JMJD1C: variants seen among roughly 807,000 people sequenced by gnomAD.
JMJD1C encodes the protein jumonji domain-containing protein 1C.
In JMJD1C, 31 loss-of-function variants were observed where a neutral mutation model predicts 245.3. The observed-to-expected ratio is 0.13, with a 90% CI of 0.09 to 0.17. The LOEUF (loss-of-function observed/expected upper bound fraction) is 0.17, where lower values mean the gene tolerates loss of function less well. Ranked by LOEUF, JMJD1C falls within the 10% of genes least tolerant of loss-of-function variation. JMJD1C has a pLI of 1.00. For synonymous variants in JMJD1C, 1,057 were observed against 1,017.4 expected (o/e 1.04, Z -0.74); for missense variants, 2,691 against 3,000.2 (o/e 0.90, Z 2.41).
intron 1 of JMJD1C, among the ~76,000 whole-genome samples, chr10:63,408,368 A>G (rs1347692833): frequency 1.3e-5 from 2 of 151,850 alleles, no homozygotes; most frequent in Admixed American, 6.6e-5. Context: ...GCGCCATTGC[A>G]CTCCAGCCTG....
chr10:63,192,834 A>C, intron 16 of JMJD1C, 104 bp downstream of exon 16: 2 of 864,630 alleles, frequency 2.3e-6, no homozygotes, highest in Non-Finnish European at 1.8e-6. Flanking sequence ...ACCAAAGTAA[A>C]TTGTTTACCT....
intron 2 of JMJD1C, among the ~76,000 whole-genome samples, chr10:63,270,959 A>T (rs1277901926): frequency 1.3e-5 from 2 of 152,154 alleles, no homozygotes; most frequent in African/African-American, 4.8e-5. Context: ...GAAAATTTGT[A>T]AGTTTCTGAC....
At chr10:63,357,152 G>A (rs2134331523) in intron 2 of JMJD1C, among the ~76,000 whole-genome samples, 2 of 151,838 alleles carry the variant, frequency 1.3e-5, no homozygotes, top group Middle Eastern at 6.8e-3. Context: ...TCCTGCCTCA[G>A]CCTCCCCAGT....
At chr10:63,265,115 C>T (rs551930774) in intron 2 of JMJD1C, among the ~76,000 whole-genome samples, 1 of 150,008 alleles carries the variant, frequency 6.7e-6, no homozygotes, top group South Asian at 2.1e-4. Context: ...GAGCTATTTA[C>T]CCCCACCTTT....
At chr10:63,210,369 A>C (rs1420603759) in intron 8 of JMJD1C, among the ~76,000 whole-genome samples, 1 of 152,202 alleles carries the variant, frequency 6.6e-6, no homozygotes, top group African/African-American at 2.4e-5. Context: ...AATGTTATTC[A>C]AATTTACTCC....
In JMJD1C at chr10:63,373,928, T is replaced by C. The variant is rs139075382; in HGVS notation, c.333+6390A>G. On this transcript the variant is annotated intron_variant, in intron 2 of 25. Transcript: ENST00000399262. ...AAATGCTTATGAAACTTAAATTGAC[T>C]ATTTTCTTAATTATTACAAACAAGC... 4.6e-5 allele frequency among the ~76,000 whole-genome samples: 7 copies of C among 152,298 alleles called. 1 individual carries two copies. Among genetic ancestry groups the C allele is most frequent in the African/African-American group, 1.4e-4 (6 of 41,588 alleles).
At chr10:63,418,134 A>T (rs1385429628) in intron 1 of JMJD1C, among the ~76,000 whole-genome samples, 8 of 152,210 alleles carry the variant, frequency 5.3e-5, no homozygotes. Flanking sequence ...TTAGGTATGC[A>T]TCAGAACCTA....
In JMJD1C at chr10:63,328,874, C is replaced by T. The variant is rs184132407; in HGVS notation, c.333+51444G>A. Among the ~76,000 whole-genome samples the T allele has an allele frequency of 8.5e-5, 13 of 152,244 alleles. No individual in the cohort carries two copies. In the East Asian group the frequency reaches 1.7e-3, roughly 20 times the overall value. On this transcript the variant is annotated intron_variant, in intron 2 of 25. Coordinates refer to ENST00000399262, the MANE Select transcript of JMJD1C (RefSeq NM_032776.3). Reference sequence around the variant, plus strand: ...TTACTTTTATTAGTAAGTAAATGTACGTTATATTTTAATTGTATTTCACAA... The same window carrying T: ...TTACTTTTATTAGTAAGTAAATGTATGTTATATTTTAATTGTATTTCACAA...
At position 63,408,128 on chromosome 10, in the gene JMJD1C, G is replaced by C. The variant is rs1949275364; in HGVS notation, c.169-27646C>G. On this transcript the variant is annotated intron_variant, in intron 1 of 25. Coordinates refer to ENST00000399262, the MANE Select transcript of JMJD1C (RefSeq NM_032776.3). ...AAGCACAACAGATAAAAATCACCTG[G>C]TGCAGTGGCTCATGCCTGTAATCCC... 2.0e-5 allele frequency among the ~76,000 whole-genome samples: 3 copies of C among 152,088 alleles called. No individual in the cohort carries two copies. In the South Asian group the frequency reaches 6.2e-4, roughly 31 times the overall value.
intron 1 of JMJD1C, among the ~76,000 whole-genome samples, chr10:63,431,751 C>T (rs1365799846): frequency 1.3e-5 from 2 of 152,180 alleles, no homozygotes; most frequent in African/African-American, 2.4e-5. Flanking sequence ...CAGTGGCGCA[C>T]GCCTGTAATC....
At chr10:63,521,647 G>T (rs1955249074) in intron 1 of JMJD1C, 6 of 1,192,390 alleles carry the variant, frequency 5.0e-6, no homozygotes, top group Non-Finnish European at 5.5e-6. Flanking sequence ...GGAAGGAGCC[G>T]AGAGGAAAGG....
At chr10:63,281,681 A>G (rs1257210467) in intron 2 of JMJD1C, among the ~76,000 whole-genome samples, 1 of 151,452 alleles carries the variant, frequency 6.6e-6, no homozygotes, top group African/African-American at 2.4e-5. Flanking sequence ...CATGTTAGCC[A>G]GGATGGTCTC....
At chr10:63,337,618 G>GAAAAGA (rs1564804873) in intron 2 of JMJD1C, among the ~76,000 whole-genome samples, 1 of 77,644 alleles carries the variant, frequency 1.3e-5, no homozygotes, top group Non-Finnish European at 2.2e-5. Flanking sequence ...GAAAAGAAAA[G>GAAAAGA]AAAAGAAAAA....
At chr10:63,363,846 C>G (rs909639022) in intron 2 of JMJD1C, among the ~76,000 whole-genome samples, 1 of 148,592 alleles carries the variant, frequency 6.7e-6, no homozygotes, top group African/African-American at 2.5e-5. Context: ...GCCACCATGC[C>G]TGGCTAATTT....
chr10:63,318,077 G>A (rs1940328315), intron 2 of JMJD1C, among the ~76,000 whole-genome samples: 2 of 152,196 alleles, frequency 1.3e-5, no homozygotes, highest in Middle Eastern at 6.8e-3. Flanking sequence ...GTGCCATCTC[G>A]ACTCACTACA....
At chr10:63,371,328 T>C (rs1174528635) in intron 2 of JMJD1C, among the ~76,000 whole-genome samples, 1 of 152,158 alleles carries the variant, frequency 6.6e-6, no homozygotes, top group Admixed American at 6.6e-5. Flanking sequence ...GTAATTAATT[T>C]TTTTTACTTA....
intron 2 of JMJD1C, among the ~76,000 whole-genome samples, chr10:63,377,359 ATGACCCG>A (rs1293199525): frequency 1.3e-5 from 2 of 152,192 alleles, no homozygotes; most frequent in Non-Finnish European, 2.9e-5. Flanking sequence ...CTTACTACCA[ATGACCCG>A]TGTACTCAAA....
chr10:63,493,308 C>G (rs1954238602), intron 1 of JMJD1C, among the ~76,000 whole-genome samples: 1 of 110,406 alleles, frequency 9.1e-6, no homozygotes, highest in Admixed American at 1.4e-4. Flanking sequence ...GTTGCCCAGG[C>G]TGGAGTGCAG....
chr10:63,337,211 G>C (rs186637452), intron 2 of JMJD1C, among the ~76,000 whole-genome samples: 1 of 151,510 alleles, frequency 6.6e-6, no homozygotes, highest in African/African-American at 2.4e-5. Flanking sequence ...CATTGAGACC[G>C]GCACGGGCAC....
Sources: allele counts gnomAD v4.1 joint callset (sites outside exome capture counted in the v4.1 genomes callset), GRCh38; gene constraint gnomAD v4.1.1; transcripts MANE v1.5; gene names NCBI Gene and HGNC (gene_info 2026-07-23, HGNC 2026-07-21).